RANBP2: variants seen among roughly 807,000 people sequenced by gnomAD.
RANBP2 encodes RAN binding protein 2, also known as E3 SUMO-protein ligase RanBP2.
In RANBP2, 57 loss-of-function variants were observed where a neutral mutation model predicts 303.6. The ratio of observed to expected loss-of-function variants is 0.19; its 90% CI spans 0.15 to 0.23. The LOEUF (loss-of-function observed/expected upper bound fraction) is 0.23, where lower values mean the gene tolerates loss of function less well. Among genes scored for constraint, RANBP2 ranks in the 10% least tolerant of loss-of-function variants. RANBP2 has a pLI of 1.00. For synonymous variants in RANBP2, 1,167 were observed against 1,301.5 expected, an observed-to-expected ratio of 0.90 and a Z score of 2.23; for missense variants, 3,138 against 3,780.8, an observed-to-expected ratio of 0.83 and a Z score of 4.46.
chr2:109,058,910 A>G, the RANBP2 span, among the ~76,000 whole-genome samples: 7 of 152,174 alleles, frequency 4.6e-5, no homozygotes, highest in Non-Finnish European at 1.0e-4. Flanking sequence ...CTCTGCTGAT[A>G]GCACAGTTCA....
chr2:108,785,835 A>G (rs1323223867), downstream of RANBP2: 2 of 152,226 alleles, frequency 1.3e-5, no homozygotes, highest in African/African-American at 4.8e-5. Context: ...TTTATGGCAA[A>G]AAGTATGGCC....
At chr2:109,159,337 G>T in the RANBP2 span, among the ~76,000 whole-genome samples, 1 of 152,114 alleles carries the variant, frequency 6.6e-6, no homozygotes, top group Admixed American at 6.5e-5. Flanking sequence ...AGAGGGTGCT[G>T]CCTGCCCTGC....
chr2:109,648,801 G>A, the RANBP2 span, among the ~76,000 whole-genome samples: 5 of 151,668 alleles, frequency 3.3e-5, no homozygotes, highest in African/African-American at 4.8e-5. Flanking sequence ...TTACAGGCAC[G>A]TGCCACCACT....
chr2:108,736,938 A>G (rs1238223607), intron 6 of RANBP2, among the ~76,000 whole-genome samples: 5 of 151,414 alleles, frequency 3.3e-5, no homozygotes, highest in Admixed American at 6.6e-5. Context: ...ACATACTACA[A>G]GGTTGGAGTT....
At chr2:109,027,983 A>C in the RANBP2 span, among the ~76,000 whole-genome samples, 1 of 152,342 alleles carries the variant, frequency 6.6e-6, no homozygotes, top group African/African-American at 2.4e-5. Flanking sequence ...GTTTAAAAAC[A>C]TACTGGCAGG....
At chr2:109,230,248 A>G in the RANBP2 span, among the ~76,000 whole-genome samples, 2 of 151,972 alleles carry the variant, frequency 1.3e-5, no homozygotes, top group African/African-American at 4.8e-5. Context: ...TTTTGACTTT[A>G]TGATGGTGCA....
chr2:109,267,760 C>T, the RANBP2 span, among the ~76,000 whole-genome samples: 1 of 152,250 alleles, frequency 6.6e-6, no homozygotes, highest in African/African-American at 2.4e-5. Context: ...AGACAGAACA[C>T]AGTTCTGCGT....
At chr2:109,292,708 T>C in the RANBP2 span, among the ~76,000 whole-genome samples, 9 of 152,222 alleles carry the variant, frequency 5.9e-5, no homozygotes, top group Non-Finnish European at 1.0e-4. Flanking sequence ...CTGGTCCATG[T>C]AACAGCAATT....
chr2:109,634,527 C>A, the RANBP2 span, among the ~76,000 whole-genome samples: 4 of 152,032 alleles, frequency 2.6e-5, no homozygotes, highest in South Asian at 4.1e-4. Flanking sequence ...AGATGGAGGG[C>A]AAAATAAAGA....
At chr2:109,567,928 C>T in the RANBP2 span, 1 of 1,613,860 alleles carries the variant, frequency 6.2e-7, no homozygotes, top group Non-Finnish European at 8.5e-7. Flanking sequence ...TTCTGTAATT[C>T]AGTTTTAGAA....
chr2:109,098,077 C>T, the RANBP2 span, among the ~76,000 whole-genome samples: 772 of 152,172 alleles, frequency 5.1e-3, 8 homozygotes, highest in African/African-American at 0.018. Context: ...CCTTGGTGGC[C>T]GCATCACCAG....
At chr2:109,149,812 A>G in the RANBP2 span, among the ~76,000 whole-genome samples, 1 of 152,208 alleles carries the variant, frequency 6.6e-6, no homozygotes, top group African/African-American at 2.4e-5. Flanking sequence ...TAGTGCAGGT[A>G]TTTTTGTACT....
At chr2:109,722,346 G>A in the RANBP2 span, among the ~76,000 whole-genome samples, 1 of 152,158 alleles carries the variant, frequency 6.6e-6, no homozygotes. Flanking sequence ...GCACTGCTCC[G>A]GCTCAGTGTG....
chr2:109,284,875 C>T, the RANBP2 span, among the ~76,000 whole-genome samples: 2 of 152,182 alleles, frequency 1.3e-5, no homozygotes, highest in African/African-American at 2.4e-5. Flanking sequence ...TGCTCTTGAA[C>T]GTGCTGACTT....
the RANBP2 span, among the ~76,000 whole-genome samples, chr2:109,005,185 A>C: frequency 2.0e-4 from 31 of 152,342 alleles, no homozygotes; most frequent in South Asian, 6.4e-3. Context: ...CAGACTATTA[A>C]CATGGGCCTT....
chr2:109,562,511 A>C, the RANBP2 span, among the ~76,000 whole-genome samples: 2 of 151,012 alleles, frequency 1.3e-5, no homozygotes, highest in African/African-American at 4.8e-5. Flanking sequence ...GATAGCAGAC[A>C]AACTATTTGC....
At chr2:109,623,963 C>T in the RANBP2 span, among the ~76,000 whole-genome samples, 1 of 152,166 alleles carries the variant, frequency 6.6e-6, no homozygotes, top group Non-Finnish European at 1.5e-5. Context: ...TCCCCTATGT[C>T]ATCTTTGTGC....
chr2:109,522,690 G>A, the RANBP2 span, among the ~76,000 whole-genome samples: 3 of 151,728 alleles, frequency 2.0e-5, no homozygotes, highest in South Asian at 2.1e-4. Flanking sequence ...CACCCCAAAC[G>A]TTCAGTGCAT....
the RANBP2 span, among the ~76,000 whole-genome samples, chr2:108,891,908 C>A: frequency 6.6e-6 from 1 of 152,056 alleles, no homozygotes; most frequent in Non-Finnish European, 1.5e-5. Context: ...CAACCATAGG[C>A]CCCAGAAAGA....
Sources: allele counts gnomAD v4.1 joint callset (sites outside exome capture counted in the v4.1 genomes callset), GRCh38; gene constraint gnomAD v4.1.1; transcripts MANE v1.5; gene names NCBI Gene and HGNC (gene_info 2026-07-23, HGNC 2026-07-21).